SYN3: variants seen among roughly 807,000 people sequenced by gnomAD.
SYN3 encodes synapsin III.
A neutral mutation model predicts 65.8 loss-of-function variants in SYN3; 35 were observed. The ratio of observed to expected loss-of-function variants is 0.53; its 90% CI spans 0.41 to 0.70. The LOEUF is 0.70. Among genes scored for constraint, SYN3 ranks in the 30% least tolerant of loss-of-function variants. The pLI, the probability that SYN3 is intolerant of heterozygous loss-of-function variation, is 0.00. For synonymous variants in SYN3, 270 were observed against 292.9 expected (o/e 0.92, Z 0.80); for missense variants, 680 against 749.0 (o/e 0.91, Z 1.08).
At chr22:32,717,344 C>T (rs2061052801) in intron 6 of SYN3, among the ~76,000 whole-genome samples, 1 of 152,250 alleles carries the variant, frequency 6.6e-6, no homozygotes, top group Non-Finnish European at 1.5e-5. Context: ...GGCTGGAAGC[C>T]CTCAGTGTTT....
At chr22:32,904,152 C>T (rs35640347) in intron 4 of SYN3, among the ~76,000 whole-genome samples, 16,558 of 152,214 alleles carry the variant, frequency 0.11, 1,399 homozygotes, top group East Asian at 0.44. Context: ...AGATATTTGG[C>T]CAAGCTTGTT....
chr22:32,737,262 AG>A (rs2061346755), intron 6 of SYN3, among the ~76,000 whole-genome samples: 1 of 152,120 alleles, frequency 6.6e-6, no homozygotes, highest in Non-Finnish European at 1.5e-5. Flanking sequence ...AAGGAAACTG[AG>A]GGTTGGTGAA....
intron 12 of SYN3, among the ~76,000 whole-genome samples, chr22:32,526,814 C>T (rs968706067): frequency 8.5e-5 from 13 of 152,120 alleles, no homozygotes; most frequent in African/African-American, 3.1e-4. Flanking sequence ...CTACCGCGCC[C>T]GGCCTCTGAT....
At chr22:32,868,933 G>C (rs1480505782) in intron 5 of SYN3, 33 bp downstream of exon 5, 6 of 1,601,608 alleles carry the variant, frequency 3.7e-6, no homozygotes, top group Non-Finnish European at 5.1e-6. Flanking sequence ...CTGCCTCCCA[G>C]ATCCCTCCAG....
intron 6 of SYN3, among the ~76,000 whole-genome samples, chr22:32,692,248 G>C (rs1271558446): frequency 6.6e-6 from 1 of 150,402 alleles, no homozygotes; most frequent in Non-Finnish European, 1.5e-5. Context: ...CAACACATGA[G>C]CTAGTAGGTC....
At chr22:32,792,517 T>C (rs1048715499) in intron 6 of SYN3, among the ~76,000 whole-genome samples, 1 of 152,236 alleles carries the variant, frequency 6.6e-6, no homozygotes, top group Non-Finnish European at 1.5e-5. Context: ...AATATACTGA[T>C]GAGTATGCCA....
rs111426599 is a variant in SYN3 at position 32,855,073 on chromosome 22, T to C, written c.711+9842A>G. On this transcript the variant is annotated intron_variant, in intron 6 of 13. Transcript: ENST00000358763. The stretch of plus-strand genomic sequence containing the variant: ...TAAATTAATACCAAATGCCAGGAAG[T>C]AAAGTAGAGGCATTTTCCTATTATA... Among the ~76,000 whole-genome samples the C allele has an allele frequency of 7.7e-3, 1,171 of 152,320 alleles. 20 individuals carry two copies. The highest frequency in any genetic ancestry group is 0.027 in the African/African-American group (1,135 of 41,566).
chr22:32,845,175 A>C (rs2146216531), intron 6 of SYN3, among the ~76,000 whole-genome samples: 1 of 150,854 alleles, frequency 6.6e-6, no homozygotes, highest in Middle Eastern at 3.4e-3. Flanking sequence ...GTGCTTCTGT[A>C]CCTTGGAGAC....
At chr22:32,631,523 A>T (rs2059747971) in intron 6 of SYN3, among the ~76,000 whole-genome samples, 1 of 152,158 alleles carries the variant, frequency 6.6e-6, no homozygotes, top group South Asian at 2.1e-4. Context: ...GAGTCAAGTA[A>T]TTTCACAGAT....
chr22:33,052,583 C>CA (rs58956477), intron 1 of SYN3, among the ~76,000 whole-genome samples: 7,099 of 107,750 alleles, frequency 0.066, 515 homozygotes, highest in African/African-American at 0.19. Flanking sequence ...AGAAGAGGAA[C>CA]AAAAAAAAAA....
intron 4 of SYN3, among the ~76,000 whole-genome samples, chr22:32,899,125 GA>G (rs1188182962): frequency 8.2e-4 from 5 of 6,134 alleles, no homozygotes; most frequent in Admixed American, 7.1e-3. Flanking sequence ...ACAAAACAAC[GA>G]AAAAAATGAG....
At chr22:32,715,116 T>C (rs2061018672) in intron 6 of SYN3, among the ~76,000 whole-genome samples, 1 of 152,216 alleles carries the variant, frequency 6.6e-6, no homozygotes, top group Non-Finnish European at 1.5e-5. Flanking sequence ...AATGTGCTGG[T>C]AAGCCAGCTC....
At chr22:33,047,863 CAAAAAAAAAAA>C (rs58025351) in intron 1 of SYN3, among the ~76,000 whole-genome samples, 8 of 53,566 alleles carry the variant, frequency 1.5e-4, no homozygotes, top group South Asian at 8.7e-4. Context: ...TTTTCATGTG[CAAAAAAAAAAA>C]AAAAAAAAAA....
intron 6 of SYN3, among the ~76,000 whole-genome samples, chr22:32,667,111 C>T (rs1245578568): frequency 1.3e-5 from 2 of 152,172 alleles, no homozygotes; most frequent in African/African-American, 4.8e-5. Flanking sequence ...GACTTTAGAA[C>T]CAAATCTCAG....
chr22:32,949,030 T>C (rs1303053433), intron 3 of SYN3, among the ~76,000 whole-genome samples: 1 of 152,166 alleles, frequency 6.6e-6, no homozygotes, highest in African/African-American at 2.4e-5. Flanking sequence ...GCAGTATATA[T>C]ACTTACCAGT....
At chr22:32,534,213 A>T (rs1211037271) in intron 9 of SYN3, among the ~76,000 whole-genome samples, 1 of 152,070 alleles carries the variant, frequency 6.6e-6, no homozygotes, top group Non-Finnish European at 1.5e-5. Context: ...GAGTTGGGAG[A>T]GGTCTCCCCC....
intron 1 of SYN3, among the ~76,000 whole-genome samples, chr22:33,053,578 A>C (rs1432425139): frequency 5.9e-5 from 9 of 152,046 alleles, no homozygotes; most frequent in Non-Finnish European, 1.5e-5. Flanking sequence ...GAAAACATAG[A>C]CTCTCTTGAT....
rs188808831 is a variant in SYN3 at position 32,705,233 on chromosome 22, A to G, written c.712-108497T>C. On this transcript the variant is annotated intron_variant, in intron 6 of 13. Transcript: ENST00000358763. ...ATCCATCTTGAGTTAGTTTTTGTAT[A>G]TGGTGTAAGGAAGGGGTCCAGTTTC... Among the ~76,000 whole-genome samples, 259 of 152,280 alleles carry G rather than the reference A, an allele frequency of 1.7e-3. 3 individuals carry two copies. The highest frequency in any genetic ancestry group is 0.016 in the Admixed American group (242 of 15,296).
intron 1 of SYN3, among the ~76,000 whole-genome samples, chr22:33,030,553 A>C (rs1370717571): frequency 2.0e-5 from 3 of 151,844 alleles, no homozygotes. Context: ...GAAACGGAAA[A>C]AATATATAGA....
Sources: allele counts gnomAD v4.1 joint callset (sites outside exome capture counted in the v4.1 genomes callset), GRCh38; gene constraint gnomAD v4.1.1; transcripts MANE v1.5; gene names NCBI Gene and HGNC (gene_info 2026-07-23, HGNC 2026-07-21).